LEPROTL1: variants seen among roughly 807,000 people sequenced by gnomAD.
LEPROTL1 encodes the protein leptin receptor overlapping transcript-like 1.
Under a neutral mutation model 15.4 loss-of-function variants are expected in LEPROTL1, and 6 were observed. The ratio of observed to expected loss-of-function variants is 0.39; its 90% confidence interval spans 0.21 to 0.77. The LOEUF is 0.77. Among genes scored for constraint, LEPROTL1 ranks in the 30% least tolerant of loss-of-function variants. LEPROTL1 has a pLI of 0.41. For missense variants in LEPROTL1, 128 were observed against 158.1 expected (o/e 0.81, Z 1.02); for synonymous variants, 56 against 52.6 (o/e 1.06, Z -0.28).
chr8:30,104,248 T>C (rs994415919), intron 2 of LEPROTL1, 52 bp from the exon 3 acceptor site: 11 of 1,096,036 alleles, frequency 1.0e-5, no homozygotes, highest in Non-Finnish European at 1.4e-5. Flanking sequence ...ATATTTTGTG[T>C]GTAGGAAAAT....
rs2657 is a variant in LEPROTL1 at position 30,107,887 on chromosome 8, C to T, written c.*2025C>T. The T allele has an allele frequency of 0.94, 929,955 of 985,154 alleles. 439,842 individuals carry two copies. Among genetic ancestry groups the T allele is most frequent in the East Asian group, 1 (8,814 of 8,816 alleles). The allele number at this position is 985,154 out of a possible 1,614,324, so 61.0% of individuals were successfully genotyped here. On this transcript the variant is annotated 3_prime_UTR_variant, in exon 4 of 4. Coordinates refer to ENST00000321250, the MANE Select transcript of LEPROTL1 (RefSeq NM_015344.3). The stretch of plus-strand genomic sequence containing the variant: ...GCTGCGTATTATTTCTATATACTAA[C>T]TGCATTGGCAGCATTGTGTCTTTGA...
chr8:30,137,376 G>A (rs1422372425), exon 5 of LEPROTL1: 2 of 1,551,572 alleles, frequency 1.3e-6, no homozygotes, highest in Admixed American at 3.9e-5. Context: ...TGAGAAGATT[G>A]TTACCTGCAA....
chr8:30,111,756 G>T (rs1802655072), downstream of LEPROTL1, among the ~76,000 whole-genome samples: 1 of 152,196 alleles, frequency 6.6e-6, no homozygotes, highest in African/African-American at 2.4e-5. Context: ...AAAGAGGTCG[G>T]GTGGGGGGTG....
intron 4 of LEPROTL1, among the ~76,000 whole-genome samples, chr8:30,134,405 G>C (rs1406238098): frequency 1.3e-5 from 2 of 150,342 alleles, no homozygotes; most frequent in African/African-American, 2.5e-5. Flanking sequence ...CCTGGTGATA[G>C]AGCGAGACTG....
At chr8:30,112,417 T>TTTTTTTTTTTTTTTTTTTTTTG (rs1802667838), downstream of LEPROTL1, among the ~76,000 whole-genome samples, 1 of 132,594 alleles carries the variant, frequency 7.5e-6, no homozygotes, top group Non-Finnish European at 1.6e-5. Flanking sequence ...TTTTTTTTTT[T>TTTTTTTTTTTTTTTTTTTTTTG]TTTTTTTTTT....
chr8:30,137,513 T>C, exon 5 of LEPROTL1: 1 of 1,534,648 alleles, frequency 6.5e-7, no homozygotes, highest in Non-Finnish European at 8.8e-7. Flanking sequence ...CAACTACTGC[T>C]CAGTGCCAGA....
At position 30,106,321 on chromosome 8, in the gene LEPROTL1, G is replaced by T; in HGVS notation, c.*459G>T. 1 of 986,758 alleles carries T rather than the reference G, an allele frequency of 1.0e-6. No individual in the cohort carries two copies. Among genetic ancestry groups the T allele is most frequent in the African/African-American group, 1.7e-5 (1 of 57,336 alleles). 61.1% of individuals were successfully genotyped at this position (986,758 alleles called of 1,614,324 possible). On this transcript the variant is annotated 3_prime_UTR_variant, in exon 4 of 4. Coordinates refer to ENST00000321250, the MANE Select transcript of LEPROTL1 (RefSeq NM_015344.3). ...AATTATAAAAATAAGTTTTCAGTCA[G>T]TCAGGATGACATCACTCCCAATGTT...
intron 3 of LEPROTL1, among the ~76,000 whole-genome samples, chr8:30,126,851 A>G (rs968084953): frequency 6.6e-6 from 1 of 152,168 alleles, no homozygotes; most frequent in African/African-American, 2.4e-5. Context: ...CATCCTGGCC[A>G]TCATGGCAAA....
rs1184894339 is a variant in LEPROTL1, at chr8:30,108,100, T to C, written c.*2238T>C. ...TGTGGGTGTTTTTGAAATGAAAATA[T>C]ATGGCACACTTTCATTCTGAAGTGC... On this transcript the variant is annotated 3_prime_UTR_variant, in exon 4 of 4. Coordinates refer to ENST00000321250, the MANE Select transcript of LEPROTL1 (RefSeq NM_015344.3). 3.0e-6 allele frequency: 2 copies of C among 665,282 alleles called. No homozygotes were observed. Among genetic ancestry groups the C allele is most frequent in the Non-Finnish European group, 3.7e-6 (2 of 537,846 alleles). The allele number at this position is 665,282 out of a possible 1,614,324, so 41.2% of individuals were successfully genotyped here.
chr8:30,117,537 T>A, intron 3 of LEPROTL1: 1 of 1,315,476 alleles, frequency 7.6e-7, no homozygotes. Context: ...GAGTTGCACA[T>A]CAAATCTGGG....
intron 1 of LEPROTL1, among the ~76,000 whole-genome samples, chr8:30,101,536 G>A (rs539622411): frequency 3.9e-5 from 6 of 151,974 alleles, no homozygotes; most frequent in Non-Finnish European, 7.4e-5. Flanking sequence ...ATGTGGTAGT[G>A]CATTCCTGTA....
rs945511906 is a variant in LEPROTL1, at chr8:30,105,944, G to A, written c.*82G>A. 2.2e-6 allele frequency: 3 copies of A among 1,388,928 alleles called. No homozygotes were observed. The highest frequency in any genetic ancestry group is 3.0e-5 in the African/African-American group (2 of 66,748). 86.0% of individuals were successfully genotyped at this position (1,388,928 alleles called of 1,614,324 possible). A position where few individuals can be genotyped will look rare whatever the true frequency, so the allele number is the denominator to read the frequency against. On this transcript the variant is annotated 3_prime_UTR_variant, in exon 4 of 4. Coordinates refer to ENST00000321250, the MANE Select transcript of LEPROTL1 (RefSeq NM_015344.3). ...GCACACAGGAGATGGGGCAGTTAAT[G>A]CTGAATGGTATAGCAAGCCTCTTGG...
intron 2 of LEPROTL1, among the ~76,000 whole-genome samples, chr8:30,102,873 T>C (rs1802492929): frequency 6.6e-6 from 1 of 152,124 alleles, no homozygotes; most frequent in Admixed American, 6.6e-5. Flanking sequence ...GCAGGGACTC[T>C]TTTGTGCTGT....
At position 30,107,751 on chromosome 8, in the gene LEPROTL1, A is replaced by C; in HGVS notation, c.*1889A>C. The C allele has an allele frequency of 6.2e-6, 4 of 645,052 alleles. No individual in the cohort carries two copies. The highest frequency in any genetic ancestry group is 7.3e-6 in the Non-Finnish European group (4 of 550,312). 40.0% of individuals were successfully genotyped at this position (645,052 alleles called of 1,614,324 possible). ...ACTCTTTGTGCTTGTGATCTACTGG[A>C]CTTTTTTTTGCAGGAAGTGCATTCT... On this transcript the variant is annotated 3_prime_UTR_variant, in exon 4 of 4. Coordinates refer to ENST00000321250, the MANE Select transcript of LEPROTL1 (RefSeq NM_015344.3).
exon 5 of LEPROTL1, chr8:30,137,551 A>G (rs1803176281): frequency 7.8e-7 from 1 of 1,275,456 alleles, no homozygotes; most frequent in South Asian, 1.3e-5. Context: ...AACACGTGGC[A>G]GTGATGATTA....
intron 3 of LEPROTL1, among the ~76,000 whole-genome samples, chr8:30,124,818 C>G (rs1296066649): frequency 6.6e-6 from 1 of 152,146 alleles, no homozygotes; most frequent in East Asian, 1.9e-4. Flanking sequence ...AACATGTTCC[C>G]TTGAATTCAG....
At chr8:30,128,531 G>A (rs867082654) in intron 3 of LEPROTL1, among the ~76,000 whole-genome samples, 7 of 151,986 alleles carry the variant, frequency 4.6e-5, no homozygotes, top group Admixed American at 1.3e-4. Context: ...AGGTTGGATC[G>A]CTTGAGCTCA....
At position 30,108,169 on chromosome 8, in the gene LEPROTL1, G is replaced by A. The variant is rs1409740396; in HGVS notation, c.*2307G>A. ...TGATGTAAAGCAAGATGACATTGGT[G>A]TAATGTTAGAGTTGCAGAAGTTTCC... On this transcript the variant is annotated 3_prime_UTR_variant, in exon 4 of 4. Coordinates refer to ENST00000321250, the MANE Select transcript of LEPROTL1 (RefSeq NM_015344.3). 3.7e-6 allele frequency: 1 copy of A among 267,416 alleles called. No homozygotes were observed. The highest frequency in any genetic ancestry group is 5.8e-6 in the Non-Finnish European group (1 of 173,670). 16.6% of individuals were successfully genotyped at this position (267,416 alleles called of 1,614,324 possible). A position where few individuals can be genotyped will look rare whatever the true frequency, so the allele number is the denominator to read the frequency against.
chr8:30,123,981 CTT>C (rs572784386), intron 3 of LEPROTL1, among the ~76,000 whole-genome samples: 10 of 135,208 alleles, frequency 7.4e-5, no homozygotes, highest in African/African-American at 8.1e-5. Context: ...GAGGAATAGG[CTT>C]TTTTTTTTTT....
Sources: allele counts gnomAD v4.1 joint callset (sites outside exome capture counted in the v4.1 genomes callset), GRCh38; gene constraint gnomAD v4.1.1; transcripts MANE v1.5; gene names NCBI Gene and HGNC (gene_info 2026-07-23, HGNC 2026-07-21).